The following AKR1C8 variants were observed in gnomAD, a reference collection of about 807,000 sequenced individuals.
AKR1C8 encodes the protein aldo-keto reductase family 1 member C8, also known as aldo-keto reductase family 1 member C-like protein 1.
chr10:5,173,492 A>C, the AKR1C8 span, among the ~76,000 whole-genome samples: 1 of 152,096 alleles, frequency 6.6e-6, no homozygotes, highest in South Asian at 2.1e-4. Context: ...AAGCAGATGC[A>C]AAGGCATGAG....
At chr10:5,138,058 T>C in the AKR1C8 span, among the ~76,000 whole-genome samples, 5 of 151,546 alleles carry the variant, frequency 3.3e-5, no homozygotes, top group Non-Finnish European at 7.4e-5. Flanking sequence ...GAACTACTGA[T>C]AAGGGTCTAT....
chr10:5,142,624 A>G, the AKR1C8 span, among the ~76,000 whole-genome samples: 2 of 152,146 alleles, frequency 1.3e-5, no homozygotes, highest in African/African-American at 4.8e-5. Flanking sequence ...GAACAGAGGG[A>G]AAGAGATAGG....
chr10:5,137,802 A>G, the AKR1C8 span, among the ~76,000 whole-genome samples: 2 of 152,146 alleles, frequency 1.3e-5, no homozygotes, highest in African/African-American at 2.4e-5. Flanking sequence ...GTGACATCAC[A>G]TATCAGTAGG....
At chr10:5,124,355 C>T in the AKR1C8 span, among the ~76,000 whole-genome samples, 1 of 152,066 alleles carries the variant, frequency 6.6e-6, no homozygotes. Context: ...TATTTGCCTC[C>T]ACTGATGGTG....
the AKR1C8 span, among the ~76,000 whole-genome samples, chr10:5,150,833 G>A: frequency 6.6e-6 from 1 of 152,258 alleles, no homozygotes; most frequent in Non-Finnish European, 1.5e-5. Flanking sequence ...TAACTGCCCG[G>A]TGGGTTCTCC....
the AKR1C8 span, among the ~76,000 whole-genome samples, chr10:5,171,935 A>C: frequency 6.6e-6 from 1 of 152,252 alleles, no homozygotes; most frequent in Admixed American, 6.5e-5. Context: ...CCTTGCACAT[A>C]AACTGTTTCT....
At chr10:5,161,791 T>C in the AKR1C8 span, 1 of 534,734 alleles carries the variant, frequency 1.9e-6, no homozygotes, top group Non-Finnish European at 3.8e-6. Flanking sequence ...TAGAATTAGA[T>C]AATTCAGATG....
the AKR1C8 span, among the ~76,000 whole-genome samples, chr10:5,146,431 CT>C: frequency 6.6e-6 from 1 of 151,974 alleles, no homozygotes; most frequent in African/African-American, 2.4e-5. Flanking sequence ...AAAAAATTAG[CT>C]CAGGTATTTG....
At chr10:5,180,260 G>T in the AKR1C8 span, among the ~76,000 whole-genome samples, 1 of 152,200 alleles carries the variant, frequency 6.6e-6, no homozygotes, top group Non-Finnish European at 1.5e-5. Context: ...GTTTGTCTGG[G>T]TATCCGCAGC....
At chr10:5,181,671 CAT>C in the AKR1C8 span, among the ~76,000 whole-genome samples, 3 of 152,110 alleles carry the variant, frequency 2.0e-5, no homozygotes, top group Non-Finnish European at 4.4e-5. Context: ...GTTCCAAAAC[CAT>C]ATAAGATGTC....
chr10:5,172,682 C>CA, the AKR1C8 span, among the ~76,000 whole-genome samples: 1 of 152,104 alleles, frequency 6.6e-6, no homozygotes, highest in Non-Finnish European at 1.5e-5. Context: ...CGTATGCTGG[C>CA]AACTCTTAAG....
chr10:5,143,535 C>T, the AKR1C8 span, among the ~76,000 whole-genome samples: 1 of 152,050 alleles, frequency 6.6e-6, no homozygotes, highest in Non-Finnish European at 1.5e-5. Flanking sequence ...CTTGGTAGCG[C>T]TTTTCAGAAA....
At chr10:5,154,136 A>G in the AKR1C8 span, 1 of 469,758 alleles carries the variant, frequency 2.1e-6, no homozygotes, top group Non-Finnish European at 4.4e-6. Context: ...TCAATAGCTC[A>G]TGGTCAATAT....
At chr10:5,175,112 T>A in the AKR1C8 span, among the ~76,000 whole-genome samples, 1 of 97,896 alleles carries the variant, frequency 1.0e-5, no homozygotes, top group East Asian at 3.5e-4. Flanking sequence ...ATGCTATCCC[T>A]CCCCCCTCCC....
chr10:5,175,835 T>C, the AKR1C8 span, among the ~76,000 whole-genome samples: 6 of 151,864 alleles, frequency 4.0e-5, no homozygotes, highest in African/African-American at 1.2e-4. Context: ...TTTGTTTTTT[T>C]CTTGTAAATT....
chr10:5,130,624 C>T, the AKR1C8 span, among the ~76,000 whole-genome samples: 3 of 151,760 alleles, frequency 2.0e-5, no homozygotes, highest in South Asian at 4.2e-4. Flanking sequence ...CTGCCATAAA[C>T]CAGCAACAAC....
the AKR1C8 span, among the ~76,000 whole-genome samples, chr10:5,139,364 C>G: frequency 6.6e-6 from 1 of 152,124 alleles, no homozygotes; most frequent in African/African-American, 2.4e-5. Flanking sequence ...GCAAAAAGAA[C>G]AAAGCTGGAG....
chr10:5,173,345 G>A, the AKR1C8 span, among the ~76,000 whole-genome samples: 1 of 152,092 alleles, frequency 6.6e-6, no homozygotes, highest in African/African-American at 2.4e-5. Context: ...TTTAACCCCA[G>A]TCACTTCCCA....
chr10:5,124,441 ATAAC>A, the AKR1C8 span, among the ~76,000 whole-genome samples: 4 of 152,068 alleles, frequency 2.6e-5, no homozygotes, highest in African/African-American at 7.2e-5. Flanking sequence ...TCTGAGAGGA[ATAAC>A]TATTTCTTTT....
Sources: gnomAD v4.1 joint callset for allele counts (sites outside exome capture counted in the v4.1 genomes callset) on GRCh38, gnomAD v4.1.1 for gene constraint, MANE v1.5 for transcripts, NCBI Gene and HGNC (gene_info 2026-07-23, HGNC 2026-07-21) for gene names.